Variants in CELF2 observed in about 807,000 individuals in gnomAD.
The protein encoded by CELF2 is CUGBP Elav-like family member 2, also known as CUG triplet repeat RNA-binding protein 2.
In CELF2, 8 loss-of-function variants were observed where a neutral mutation model predicts 62.6. The observed-to-expected ratio is 0.13, with a 90% CI of 0.07 to 0.23. CELF2 has a LOEUF of 0.23. Among genes scored for constraint, CELF2 ranks in the 10% least tolerant of loss-of-function variants. The pLI is 1.00. For synonymous variants in CELF2, 258 were observed against 250.0 expected, an observed-to-expected ratio of 1.03 and a Z score of -0.30; for missense variants, 333 against 671.0, an observed-to-expected ratio of 0.50 and a Z score of 5.56.
chr10:11,256,116 T>TC (rs1301742916), intron 4 of CELF2, among the ~76,000 whole-genome samples: 1 of 152,232 alleles, frequency 6.6e-6, no homozygotes. Flanking sequence ...TTTAGCTGTC[T>TC]CCTCTAGGCC....
chr10:10,826,692 A>G (rs1317044683), intron 1 of CELF2, among the ~76,000 whole-genome samples: 1 of 152,200 alleles, frequency 6.6e-6, no homozygotes, highest in Non-Finnish European at 1.5e-5. Flanking sequence ...TGAAATGGAA[A>G]CAATAGATAC....
chr10:10,904,180 C>A (rs1464903673), intron 1 of CELF2, among the ~76,000 whole-genome samples: 1 of 151,942 alleles, frequency 6.6e-6, no homozygotes, highest in Non-Finnish European at 1.5e-5. Context: ...TATTCTGTAT[C>A]TTATTATTTT....
the CELF2 span, among the ~76,000 whole-genome samples, chr10:10,486,625 A>G: frequency 3.3e-5 from 5 of 152,244 alleles, no homozygotes; most frequent in East Asian, 9.6e-4. Context: ...CAAACCTGAA[A>G]ATCTGAAATC....
At chr10:11,226,561 C>A (rs2066613957) in intron 3 of CELF2, among the ~76,000 whole-genome samples, 1 of 151,758 alleles carries the variant, frequency 6.6e-6, no homozygotes. Flanking sequence ...TGACAGGGTG[C>A]AGCAGCATGA....
intron 1 of CELF2, among the ~76,000 whole-genome samples, chr10:10,822,243 C>T (rs1030308875): frequency 2.6e-5 from 4 of 152,198 alleles, no homozygotes; most frequent in Admixed American, 6.5e-5. Context: ...GGGGCCATGC[C>T]GCCCTGTGAC....
intron 1 of CELF2, among the ~76,000 whole-genome samples, chr10:10,832,236 C>G (rs972523402): frequency 1.3e-5 from 2 of 151,456 alleles, no homozygotes; most frequent in Non-Finnish European, 2.9e-5. Context: ...CCGCTGCACT[C>G]CAGCCTGGGC....
the CELF2 span, among the ~76,000 whole-genome samples, chr10:10,491,024 A>C: frequency 1.3e-5 from 2 of 152,138 alleles, no homozygotes; most frequent in Admixed American, 1.3e-4. Context: ...TGTAAGAAAA[A>C]CCACTACTAT....
the CELF2 span, among the ~76,000 whole-genome samples, chr10:10,746,678 C>A: frequency 6.6e-6 from 1 of 152,078 alleles, no homozygotes; most frequent in East Asian, 1.9e-4. Flanking sequence ...TGTTACTAGT[C>A]TCATAGACGT....
At chr10:10,929,631 C>T (rs560662988) in intron 2 of CELF2, 1 of 152,216 alleles carries the variant, frequency 6.6e-6, no homozygotes, top group Non-Finnish European at 1.5e-5. Context: ...AGTTTCTTCA[C>T]CTCTGTCTGC....
intron 1 of CELF2, among the ~76,000 whole-genome samples, chr10:11,161,481 A>G (rs1330626672): frequency 6.6e-6 from 1 of 152,226 alleles, no homozygotes; most frequent in Non-Finnish European, 1.5e-5. Context: ...TTCACCTCTC[A>G]CTGCATTCAC....
At chr10:11,238,583 A>G (rs960568244) in intron 3 of CELF2, among the ~76,000 whole-genome samples, 21 of 152,234 alleles carry the variant, frequency 1.4e-4, no homozygotes, top group Admixed American at 3.9e-4. Context: ...AGTATTATCA[A>G]ATAAATTTCC....
At chr10:11,198,994 G>A (rs1242833845) in intron 2 of CELF2, among the ~76,000 whole-genome samples, 2 of 152,184 alleles carry the variant, frequency 1.3e-5, no homozygotes, top group South Asian at 2.1e-4. Flanking sequence ...TTATTGCAGG[G>A]CAGTCCTGGC....
intron 1 of CELF2, among the ~76,000 whole-genome samples, chr10:11,099,643 C>A (rs1019929094): frequency 1.3e-5 from 2 of 152,078 alleles, no homozygotes; most frequent in Non-Finnish European, 2.9e-5. Flanking sequence ...TTTTTGTAGT[C>A]GGTGCTACTC....
intron 1 of CELF2, among the ~76,000 whole-genome samples, chr10:11,026,512 T>C (rs2138505873): frequency 6.6e-6 from 1 of 152,294 alleles, no homozygotes; most frequent in South Asian, 2.1e-4. Flanking sequence ...TACCCAAAAG[T>C]GTGAAGACAG....
intron 1 of CELF2, among the ~76,000 whole-genome samples, chr10:10,842,415 T>C (rs2058741286): frequency 6.6e-6 from 1 of 152,084 alleles, no homozygotes; most frequent in Admixed American, 6.6e-5. Context: ...AAGAATGATA[T>C]TAGCAATAGG....
chr10:11,200,248 T>C (rs537227638), intron 2 of CELF2, among the ~76,000 whole-genome samples: 1 of 152,332 alleles, frequency 6.6e-6, no homozygotes, highest in Admixed American at 6.5e-5. Flanking sequence ...GTTGCATTCA[T>C]ATTTATAGGT....
chr10:11,268,540 C>T lies in CELF2; in HGVS notation c.618+1863C>T, dbSNP rs2082800320. Among the ~76,000 whole-genome samples the T allele has an allele frequency of 6.6e-6, 1 of 152,210 alleles. No homozygotes were observed. Among genetic ancestry groups the T allele is most frequent in the Non-Finnish European group, 1.5e-5 (1 of 68,038 alleles). ...AGGCTGAGAAACAGTAGGTTCCCAT[C>T]ATGTAAAGAGTTGGTTTGACCACTG... On this transcript the variant is annotated intron_variant, in intron 6 of 12. Coordinates refer to ENST00000633077, the MANE Select transcript of CELF2 (RefSeq NM_001326342.2). The surrounding 1 kb of genome is among the most constrained non-coding windows in gnomAD (Gnocchi z 4.7).
chr10:10,965,423 C>T (rs2050019732), intron 2 of CELF2, among the ~76,000 whole-genome samples: 1 of 152,098 alleles, frequency 6.6e-6, no homozygotes, highest in Non-Finnish European at 1.5e-5. Context: ...AATTCCTGGC[C>T]TAAAGATAGT....
At chr10:10,910,196 T>G (rs990834771) in intron 1 of CELF2, among the ~76,000 whole-genome samples, 3 of 152,152 alleles carry the variant, frequency 2.0e-5, no homozygotes, top group Non-Finnish European at 2.9e-5. Flanking sequence ...AAAATTTTTG[T>G]TTTTGATTAA....
Sources: allele counts gnomAD v4.1 joint callset (sites outside exome capture counted in the v4.1 genomes callset), GRCh38; gene constraint gnomAD v4.1.1; non-coding constraint Gnocchi (gnomAD v3.1); transcripts MANE v1.5; gene names NCBI Gene and HGNC (gene_info 2026-07-23, HGNC 2026-07-21).